Variants in UFD1 observed in about 807,000 individuals in gnomAD.
The protein encoded by UFD1 is ubiquitin recognition factor in ER-associated degradation protein 1.
In UFD1, 13 loss-of-function variants were observed where a neutral mutation model predicts 45.9. The ratio of observed to expected loss-of-function variants is 0.28; its 90% confidence interval spans 0.18 to 0.45. The LOEUF is 0.45. Among genes scored for constraint, UFD1 ranks in the 20% least tolerant of loss-of-function variants. The pLI, the probability that UFD1 is intolerant of heterozygous loss-of-function variation, is 1.00. For synonymous variants in UFD1, 128 were observed against 139.2 expected (o/e 0.92, Z 0.56); for missense variants, 218 against 389.2 (o/e 0.56, Z 3.70).
intron 2 of UFD1, 147 bp downstream of exon 2, chr22:19,475,323 C>T (rs2089873821): frequency 4.6e-6 from 6 of 1,315,022 alleles, no homozygotes; most frequent in Middle Eastern, 5.5e-4. Flanking sequence ...CCCACCCCAA[C>T]AGAGCAAGTC....
chr22:19,459,102 T>C (rs1005193122), intron 6 of UFD1, among the ~76,000 whole-genome samples: 2 of 152,250 alleles, frequency 1.3e-5, no homozygotes, highest in African/African-American at 4.8e-5. Flanking sequence ...ACTGAATGTG[T>C]ATCATGTTTG....
intron 9 of UFD1, 47 bp from the exon 10 acceptor site, chr22:19,455,815 C>A (rs575411730): frequency 6.4e-7 from 1 of 1,563,800 alleles, no homozygotes; most frequent in East Asian, 2.2e-5. Context: ...AGTGTGAGGA[C>A]GATATGTCCT....
intron 6 of UFD1, among the ~76,000 whole-genome samples, chr22:19,462,669 C>CAA (rs200190002): frequency 6.7e-6 from 1 of 149,466 alleles, no homozygotes; most frequent in Non-Finnish European, 1.5e-5. Flanking sequence ...GAGACTCTCT[C>CAA]AAAAAAAAAG....
chr22:19,450,584 G>A lies in UFD1; in HGVS notation c.*86C>T. The A allele has an allele frequency of 4.6e-6, 7 of 1,516,996 alleles. No homozygotes were observed. The highest frequency in any genetic ancestry group is 6.4e-6 in the Non-Finnish European group (7 of 1,095,892). The allele number at this position is 1,516,996 out of a possible 1,614,324, so 94.0% of individuals were successfully genotyped here. A position where few individuals can be genotyped will look rare whatever the true frequency, so the allele number is the denominator to read the frequency against. On this transcript the variant is annotated 3_prime_UTR_variant, in exon 12 of 12. Coordinates refer to ENST00000263202, the MANE Select transcript of UFD1 (RefSeq NM_005659.7). Reference sequence around the variant, plus strand: ...AAGTAACAGAGTATTCTCTGATGAGGCTCGTCCCTGTCAGTGCCAGTAACT... The same window carrying A: ...AAGTAACAGAGTATTCTCTGATGAGACTCGTCCCTGTCAGTGCCAGTAACT...
At chr22:19,468,995 G>C (rs955694718) in intron 4 of UFD1, among the ~76,000 whole-genome samples, 1 of 152,214 alleles carries the variant, frequency 6.6e-6, no homozygotes, top group South Asian at 2.1e-4. Flanking sequence ...CTGGGAAGCC[G>C]TGCCTAGGCC....
chr22:19,451,677 C>T (rs1040641734), intron 11 of UFD1: 2 of 985,346 alleles, frequency 2.0e-6, no homozygotes, highest in African/African-American at 3.5e-5. Context: ...TGCAATAGAG[C>T]ACTGTTTAGT....
chr22:19,460,645 T>C (rs923142028), intron 6 of UFD1, among the ~76,000 whole-genome samples: 2 of 152,068 alleles, frequency 1.3e-5, no homozygotes, highest in Non-Finnish European at 2.9e-5. Flanking sequence ...CCAAGACAAG[T>C]ACTGGTTCTG....
intron 3 of UFD1, among the ~76,000 whole-genome samples, chr22:19,474,255 G>A (rs2089865463): frequency 1.3e-5 from 2 of 152,088 alleles, no homozygotes; most frequent in African/African-American, 4.8e-5. Flanking sequence ...ATTAGAAACG[G>A]GGGTCTGGGC....
intron 3 of UFD1, 84 bp from the exon 4 acceptor site, chr22:19,471,892 C>T (rs1330589061): frequency 6.5e-6 from 10 of 1,539,666 alleles, no homozygotes; most frequent in Middle Eastern, 1.8e-4. Flanking sequence ...AAGGAGCCTC[C>T]CCACAATCCT....
intron 3 of UFD1, 110 bp from the exon 4 acceptor site, chr22:19,471,918 C>T (rs2089849143): frequency 4.8e-6 from 7 of 1,447,600 alleles, no homozygotes; most frequent in Non-Finnish European, 6.5e-6. Flanking sequence ...CAACCCCACA[C>T]TCCTCTGGCA....
chr22:19,477,239 C>A (rs1300205252), intron 1 of UFD1, among the ~76,000 whole-genome samples: 1 of 152,020 alleles, frequency 6.6e-6, no homozygotes. Flanking sequence ...TTTTTGTACA[C>A]CCCGTATTCA....
At chr22:19,453,459 C>T in intron 11 of UFD1, 6 of 985,472 alleles carry the variant, frequency 6.1e-6, no homozygotes, top group Non-Finnish European at 7.2e-6. Context: ...GCCCACTGGC[C>T]TCCCCTGCCT....
intron 5 of UFD1, 35 bp from the exon 6 acceptor site, chr22:19,465,309 AT>A: frequency 6.3e-7 from 1 of 1,576,500 alleles, no homozygotes; most frequent in Non-Finnish European, 8.7e-7. Context: ...ACATGGCAAG[AT>A]GGATACCTTA....
chr22:19,460,708 C>T lies in UFD1; in HGVS notation c.496-2569G>A, dbSNP rs572238725. On this transcript the variant is annotated intron_variant, in intron 6 of 11. Transcript: ENST00000263202. Reference sequence around the variant, plus strand: ...TGCCAAATTACTATACGTTTCTAAACATTCACTTTTGATTCCTGCTTCCTC... The same window carrying T: ...TGCCAAATTACTATACGTTTCTAAATATTCACTTTTGATTCCTGCTTCCTC... Among the ~76,000 whole-genome samples, 24 of 151,508 alleles carry T rather than the reference C, an allele frequency of 1.6e-4. No homozygotes were observed. The Middle Eastern group carries it at 0.011, about 67-fold the overall frequency.
intron 3 of UFD1, 46 bp downstream of exon 3, chr22:19,475,022 C>T (rs1026958287): frequency 7.6e-6 from 12 of 1,576,446 alleles, no homozygotes; most frequent in East Asian, 2.3e-5. Flanking sequence ...TCTTGGTGTC[C>T]ATATGTACAT....
Position 19,470,150 on chromosome 22 carries a change from C to G in UFD1, c.291+1537G>C. The G allele has an allele frequency of 8.9e-6, 4 of 448,142 alleles. No individual in the cohort carries two copies. In the East Asian group the frequency reaches 2.8e-4, roughly 31 times the overall value. The allele number at this position is 448,142 out of a possible 1,614,324, so 27.8% of individuals were successfully genotyped here. A position where few individuals can be genotyped will look rare whatever the true frequency, so the allele number is the denominator to read the frequency against. On this transcript the variant is annotated intron_variant, in intron 4 of 11. Coordinates refer to ENST00000263202, the MANE Select transcript of UFD1 (RefSeq NM_005659.7). ...AACACAAGAATAGCAAGGGGCTGAGCAGCAAATACTGGGGAGGGCAGGTGA... is the reference window on the plus strand; with the variant it reads ...AACACAAGAATAGCAAGGGGCTGAGGAGCAAATACTGGGGAGGGCAGGTGA...
rs374118982 is a variant in UFD1 at position 19,479,071 on chromosome 22, G to A, written c.3+12C>T. The A allele has an allele frequency of 2.1e-4, 313 of 1,464,748 alleles. 1 individual carries two copies. The African/African-American group carries it at 3.8e-3, about 18-fold the overall frequency. 90.7% of individuals were successfully genotyped at this position (1,464,748 alleles called of 1,614,324 possible). ...AAGGCCCAGCCCCCGCCCGCTGCCCGTCAGCGCTTACCATGATGGACACCA... is the reference window on the plus strand; with the variant it reads ...AAGGCCCAGCCCCCGCCCGCTGCCCATCAGCGCTTACCATGATGGACACCA... On this transcript the variant is annotated intron_variant, in intron 1 of 11. Coordinates refer to ENST00000263202, the MANE Select transcript of UFD1 (RefSeq NM_005659.7).
chr22:19,471,912 C>A (rs1434742256), intron 3 of UFD1, 104 bp from the exon 4 acceptor site: 1 of 1,475,256 alleles, frequency 6.8e-7, no homozygotes, highest in East Asian at 2.3e-5. Flanking sequence ...TGCCCTCAAC[C>A]CCACACTCCT....
rs1448779257 is a variant in UFD1, at chr22:19,478,852, G to C, written c.3+231C>G. The C allele has an allele frequency of 5.4e-6, 3 of 554,862 alleles. 1 individual carries two copies. Among genetic ancestry groups the C allele is most frequent in the Middle Eastern group, 4.8e-4 (1 of 2,086 alleles). 34.4% of individuals were successfully genotyped at this position (554,862 alleles called of 1,614,324 possible). On this transcript the variant is annotated intron_variant, in intron 1 of 11. Coordinates refer to ENST00000263202, the MANE Select transcript of UFD1 (RefSeq NM_005659.7). ...TCCTTTCTTTCGTCAAGGAGGGCAAGTCCGGCTGAGACAGAATGCGAGCCA... is the reference window on the plus strand; with the variant it reads ...TCCTTTCTTTCGTCAAGGAGGGCAACTCCGGCTGAGACAGAATGCGAGCCA...
Sources: allele counts gnomAD v4.1 joint callset (sites outside exome capture counted in the v4.1 genomes callset), GRCh38; gene constraint gnomAD v4.1.1; transcripts MANE v1.5; gene names NCBI Gene and HGNC (gene_info 2026-07-23, HGNC 2026-07-21).